TRUB1: variants seen among roughly 807,000 people sequenced by gnomAD.
TRUB1 encodes the protein TruB pseudouridine synthase family member 1.
Under a neutral mutation model 33.9 loss-of-function variants are expected in TRUB1, and 23 were observed. That is an observed-to-expected ratio of 0.68 (90% CI 0.49 to 0.96). The LOEUF is 0.96. Among genes scored for constraint, TRUB1 ranks in the 40% least tolerant of loss-of-function variants. TRUB1 has a pLI of 0.00. For missense variants in TRUB1, 378 were observed against 422.2 expected (o/e 0.90, Z 0.92); for synonymous variants, 163 against 165.4 (o/e 0.99, Z 0.11).
Position 114,975,465 on chromosome 10 carries a change from A to C in TRUB1, c.*86A>C. ...AATGACAAGCTGCATTCAAAAGACA[A>C]ACAATATGTCTTTTTTTTTTTTGCA... On this transcript the variant is annotated 3_prime_UTR_variant, in exon 8 of 8. Coordinates refer to ENST00000298746, the MANE Select transcript of TRUB1 (RefSeq NM_139169.5). 1 of 1,315,222 alleles carries C rather than the reference A, an allele frequency of 7.6e-7. No individual in the cohort carries two copies. Among genetic ancestry groups the C allele is most frequent in the East Asian group, 2.4e-5 (1 of 40,912 alleles). The allele number at this position is 1,315,222 out of a possible 1,614,324, so 81.5% of individuals were successfully genotyped here.
chr10:114,973,187 A>G (rs997877410), intron 6 of TRUB1, among the ~76,000 whole-genome samples: 1 of 152,180 alleles, frequency 6.6e-6, no homozygotes, highest in Non-Finnish European at 1.5e-5. Context: ...TCCTGCTTCT[A>G]AAATATTTGA....
At chr10:114,973,046 A>G (rs1392618874) in intron 6 of TRUB1, among the ~76,000 whole-genome samples, 3 of 152,118 alleles carry the variant, frequency 2.0e-5, no homozygotes, top group Non-Finnish European at 4.4e-5. Context: ...CCGTTTAGAA[A>G]TAATGTCCCC....
chr10:114,951,267 GTATT>G, intron 3 of TRUB1, 118 bp downstream of exon 3: 1 of 686,328 alleles, frequency 1.5e-6, no homozygotes, highest in Non-Finnish European at 2.5e-6. Flanking sequence ...TCATTCCTGA[GTATT>G]AATTATGTCT....
intron 3 of TRUB1, among the ~76,000 whole-genome samples, chr10:114,955,222 A>G (rs925367979): frequency 1.3e-5 from 2 of 152,222 alleles, no homozygotes; most frequent in African/African-American, 4.8e-5. Flanking sequence ...AGAGGAGGGC[A>G]AATAGCCCCT....
intron 4 of TRUB1, among the ~76,000 whole-genome samples, chr10:114,961,020 T>C (rs2084283105): frequency 6.6e-6 from 1 of 152,104 alleles, no homozygotes; most frequent in South Asian, 2.1e-4. Flanking sequence ...GTGAAAAATA[T>C]AAGGCGCACT....
intron 4 of TRUB1, among the ~76,000 whole-genome samples, chr10:114,961,308 C>A (rs1206079738): frequency 1.3e-5 from 2 of 151,840 alleles, no homozygotes; most frequent in Non-Finnish European, 2.9e-5. Context: ...AGAAAAATTT[C>A]CCATGATTAG....
At chr10:114,945,944 T>C (rs1200888219) in intron 2 of TRUB1, among the ~76,000 whole-genome samples, 2 of 152,242 alleles carry the variant, frequency 1.3e-5, no homozygotes, top group African/African-American at 2.4e-5. Flanking sequence ...TATGTTCATA[T>C]GTCAGATGTA....
intron 3 of TRUB1, among the ~76,000 whole-genome samples, chr10:114,954,646 C>CT (rs111623606): frequency 0.15 from 21,829 of 147,198 alleles, 3,894 homozygotes; most frequent in African/African-American, 0.43. Context: ...TTTCTCAAGT[C>CT]TTTTTTTTTT....
intron 2 of TRUB1, among the ~76,000 whole-genome samples, chr10:114,945,021 G>A (rs536856402): frequency 6.6e-6 from 1 of 152,258 alleles, no homozygotes; most frequent in African/African-American, 2.4e-5. Context: ...AGCATTTACT[G>A]TATATAAGGT....
At position 114,938,554 on chromosome 10, in the gene TRUB1, G is replaced by A; in HGVS notation, c.286+15G>A. On this transcript the variant is annotated intron_variant, in intron 1 of 7. Coordinates refer to ENST00000298746, the MANE Select transcript of TRUB1 (RefSeq NM_139169.5). ...GCTGCTGGCAGGTACTGCAGCCCGG[G>A]TGGGGACCAGGCTGAGGCGGTCGCT... 1 of 1,518,448 alleles carries A rather than the reference G, an allele frequency of 6.6e-7. No homozygotes were observed. Among genetic ancestry groups the A allele is most frequent in the East Asian group, 2.3e-5 (1 of 43,896 alleles). The allele number at this position is 1,518,448 out of a possible 1,614,324, so 94.1% of individuals were successfully genotyped here. A position where few individuals can be genotyped will look rare whatever the true frequency, so the allele number is the denominator to read the frequency against.
At chr10:114,957,797 G>T (rs1284049731) in intron 3 of TRUB1, among the ~76,000 whole-genome samples, 1 of 152,140 alleles carries the variant, frequency 6.6e-6, no homozygotes, top group Non-Finnish European at 1.5e-5. Context: ...ATACATTCAA[G>T]GCATAGTCTG....
chr10:114,966,788 A>G (rs369193981), intron 4 of TRUB1, among the ~76,000 whole-genome samples: 9 of 152,252 alleles, frequency 5.9e-5, no homozygotes, highest in African/African-American at 2.2e-4. Flanking sequence ...ATTTTTGTAT[A>G]TTGATCTTGT....
chr10:114,941,865 A>G (rs1397718772), intron 1 of TRUB1, among the ~76,000 whole-genome samples: 1 of 151,952 alleles, frequency 6.6e-6, no homozygotes, highest in Non-Finnish European at 1.5e-5. Flanking sequence ...GCTCACTGCA[A>G]ACTCCGCCTC....
intron 2 of TRUB1, among the ~76,000 whole-genome samples, chr10:114,949,590 T>G (rs2084225305): frequency 6.6e-6 from 1 of 152,090 alleles, no homozygotes; most frequent in African/African-American, 2.4e-5. Context: ...TAAGGATTGT[T>G]TGGGGGGCTT....
At chr10:114,968,686 C>T (rs573405553) in intron 4 of TRUB1, among the ~76,000 whole-genome samples, 3 of 152,192 alleles carry the variant, frequency 2.0e-5, no homozygotes, top group African/African-American at 7.2e-5. Context: ...TGTTATAGCT[C>T]TTCTGTCTGT....
chr10:114,948,954 C>T (rs886407761), intron 2 of TRUB1, among the ~76,000 whole-genome samples: 17 of 152,180 alleles, frequency 1.1e-4, no homozygotes, highest in African/African-American at 3.9e-4. Flanking sequence ...CCTTCAAAGG[C>T]CTAATACAAA....
At chr10:114,942,215 A>G (rs2084190956) in intron 1 of TRUB1, among the ~76,000 whole-genome samples, 1 of 152,216 alleles carries the variant, frequency 6.6e-6, no homozygotes, top group Non-Finnish European at 1.5e-5. Context: ...GTAGCTGGAG[A>G]TAGCAGCAAA....
chr10:114,938,600 G>A, intron 1 of TRUB1, 61 bp downstream of exon 1: 1 of 1,457,664 alleles, frequency 6.9e-7, no homozygotes, highest in Non-Finnish European at 9.1e-7. Context: ...AAGCACATTA[G>A]GCTTTTTGCG....
chr10:114,967,432 A>G (rs2084315097), intron 4 of TRUB1, among the ~76,000 whole-genome samples: 1 of 152,242 alleles, frequency 6.6e-6, no homozygotes, highest in South Asian at 2.1e-4. Context: ...TAACTCAATC[A>G]TATTGTTTTT....
Sources: gnomAD v4.1 joint callset for allele counts (sites outside exome capture counted in the v4.1 genomes callset) on GRCh38, gnomAD v4.1.1 for gene constraint, MANE v1.5 for transcripts, NCBI Gene and HGNC (gene_info 2026-07-23, HGNC 2026-07-21) for gene names.